Variants in MBNL2 observed in about 807,000 individuals in gnomAD.
The protein encoded by MBNL2 is muscleblind like splicing regulator 2.
A neutral mutation model predicts 41.9 loss-of-function variants in MBNL2; 17 were observed. The observed-to-expected ratio is 0.41, with a 90% confidence interval of 0.28 to 0.61. MBNL2 has a LOEUF of 0.61. Ranked by LOEUF, MBNL2 falls within the 20% of genes least tolerant of loss-of-function variation. MBNL2 has a pLI of 0.35. For synonymous variants in MBNL2, 195 were observed against 182.9 expected (o/e 1.07, Z -0.53); for missense variants, 336 against 505.6 (o/e 0.66, Z 3.22).
At chr13:97,233,731 G>T (rs530700317) in intron 1 of MBNL2, among the ~76,000 whole-genome samples, 4 of 151,692 alleles carry the variant, frequency 2.6e-5, no homozygotes, top group African/African-American at 7.3e-5. Context: ...TAAGAGTCAG[G>T]ATCAAAGGGA....
the MBNL2 span, among the ~76,000 whole-genome samples, chr13:97,168,697 T>A: frequency 6.6e-6 from 1 of 152,220 alleles, no homozygotes; most frequent in Non-Finnish European, 1.5e-5. Context: ...GAGATACCAA[T>A]ATAATGTAAA....
intron 3 of MBNL2, among the ~76,000 whole-genome samples, chr13:97,337,000 C>T (rs1007500210): frequency 1.6e-4 from 25 of 152,296 alleles, no homozygotes; most frequent in South Asian, 4.2e-4. Flanking sequence ...ACCAAACCAA[C>T]GGTCACTTTT....
intron 1 of MBNL2, among the ~76,000 whole-genome samples, chr13:97,226,214 A>G (rs1394506564): frequency 6.6e-6 from 1 of 152,194 alleles, no homozygotes; most frequent in Non-Finnish European, 1.5e-5. Context: ...CAGGTGTGAA[A>G]GGTAAGGCCT....
intron 1 of MBNL2, among the ~76,000 whole-genome samples, chr13:97,227,718 T>G (rs2041850550): frequency 6.6e-6 from 1 of 152,158 alleles, no homozygotes; most frequent in South Asian, 2.1e-4. Flanking sequence ...CTTAGAACTG[T>G]CCCTGGGGGT....
At chr13:97,312,138 A>T (rs1397351630) in intron 2 of MBNL2, among the ~76,000 whole-genome samples, 1 of 152,234 alleles carries the variant, frequency 6.6e-6, no homozygotes, top group Non-Finnish European at 1.5e-5. Context: ...ACAGATTCAT[A>T]TAAGAAAAGT....
At chr13:97,172,067 C>T in the MBNL2 span, among the ~76,000 whole-genome samples, 5 of 152,074 alleles carry the variant, frequency 3.3e-5, no homozygotes, top group Non-Finnish European at 5.9e-5. Context: ...AGAGTGAAAA[C>T]GGACTAATAC....
chr13:97,206,164 C>T, the MBNL2 span, among the ~76,000 whole-genome samples: 1 of 152,152 alleles, frequency 6.6e-6, no homozygotes, highest in Non-Finnish European at 1.5e-5. Context: ...AGAGAGAAAG[C>T]ATTTGACCCA....
chr13:97,277,904 A>T (rs1018391672), intron 2 of MBNL2, among the ~76,000 whole-genome samples: 1 of 152,234 alleles, frequency 6.6e-6, no homozygotes, highest in African/African-American at 2.4e-5. Flanking sequence ...TAGTCAAAAA[A>T]GTAAAACAAG....
At position 97,266,358 on chromosome 13, in the gene MBNL2, G is replaced by C. The variant is rs1031186441; in HGVS notation, c.-604-9274G>C. 7.0e-4 allele frequency among the ~76,000 whole-genome samples: 106 copies of C among 152,212 alleles called. 1 individual carries two copies. The highest frequency in any genetic ancestry group is 2.5e-3 in the African/African-American group (103 of 41,458). On this transcript the variant is annotated intron_variant, in intron 1 of 8. Transcript: ENST00000679496. ...GCTACCTGCCTCAATGTTTTTCTTT[G>C]CGAAGTCAATCGAGTTCTCTATTCA...
At chr13:97,300,147 C>G (rs1267243530) in intron 2 of MBNL2, among the ~76,000 whole-genome samples, 1 of 152,100 alleles carries the variant, frequency 6.6e-6, no homozygotes, top group East Asian at 1.9e-4. Context: ...AAGGGTCCCA[C>G]CTTAGGGACT....
intron 2 of MBNL2, among the ~76,000 whole-genome samples, chr13:97,281,516 G>A (rs560012241): frequency 6.6e-6 from 1 of 152,184 alleles, no homozygotes; most frequent in Non-Finnish European, 1.5e-5. Context: ...GATGTCAAGT[G>A]TAAGTTGCTC....
At chr13:97,183,556 T>C in the MBNL2 span, among the ~76,000 whole-genome samples, 1 of 152,218 alleles carries the variant, frequency 6.6e-6, no homozygotes, top group Non-Finnish European at 1.5e-5. Context: ...TCTGCCCAGA[T>C]ACCATTTGCA....
the MBNL2 span, among the ~76,000 whole-genome samples, chr13:97,177,347 A>G: frequency 6.6e-6 from 1 of 152,210 alleles, no homozygotes; most frequent in Non-Finnish European, 1.5e-5. Flanking sequence ...TCTCCAAAGA[A>G]AAAAGAGAAA....
chr13:97,341,848 C>T (rs546572956), intron 3 of MBNL2, among the ~76,000 whole-genome samples: 1 of 152,224 alleles, frequency 6.6e-6, no homozygotes, highest in South Asian at 2.1e-4. Flanking sequence ...GTTAAATAAT[C>T]CATCCAGGGT....
At chr13:97,155,398 T>A in the MBNL2 span, among the ~76,000 whole-genome samples, 8 of 151,696 alleles carry the variant, frequency 5.3e-5, no homozygotes, top group African/African-American at 7.2e-5. Flanking sequence ...TTTTTTATTT[T>A]TTTTTTTATT....
At chr13:97,153,703 C>T in the MBNL2 span, among the ~76,000 whole-genome samples, 3,328 of 152,200 alleles carry the variant, frequency 0.022, 109 homozygotes, top group African/African-American at 0.076. Context: ...TAATATGTAC[C>T]TCTGGCAGCC....
At chr13:97,359,051 A>C (rs1370478129) in intron 7 of MBNL2, among the ~76,000 whole-genome samples, 2 of 152,220 alleles carry the variant, frequency 1.3e-5, no homozygotes, top group African/African-American at 4.8e-5. Flanking sequence ...TTGTAGAAGA[A>C]ATCTCTAATT....
At chr13:97,191,290 G>A in the MBNL2 span, among the ~76,000 whole-genome samples, 1 of 150,956 alleles carries the variant, frequency 6.6e-6, no homozygotes, top group South Asian at 2.1e-4. Context: ...TTGCAGTGGG[G>A]AGGAGCCTGG....
intron 2 of MBNL2, among the ~76,000 whole-genome samples, chr13:97,288,649 C>T (rs1442189757): frequency 6.6e-6 from 1 of 152,182 alleles, no homozygotes; most frequent in East Asian, 1.9e-4. Context: ...CACAATTTTT[C>T]CATTAACTGA....
Sources: gnomAD v4.1 joint callset for allele counts (sites outside exome capture counted in the v4.1 genomes callset) on GRCh38, gnomAD v4.1.1 for gene constraint, MANE v1.5 for transcripts, NCBI Gene and HGNC (gene_info 2026-07-23, HGNC 2026-07-21) for gene names.